The following AIM2 variants were observed in gnomAD, a reference collection of about 807,000 sequenced individuals.
The protein encoded by AIM2 is absent in melanoma 2.
In AIM2, 30 loss-of-function variants were observed where a neutral mutation model predicts 27.7. That is an observed-to-expected ratio of 1.08 (90% CI 0.81 to 1.47). The LOEUF is 1.47. Among genes scored for constraint, AIM2 ranks in the 40% most tolerant of loss-of-function variants. AIM2 has a pLI of 0.00. For synonymous variants in AIM2, 141 were observed against 145.3 expected (o/e 0.97, Z 0.21); for missense variants, 358 against 411.3 (o/e 0.87, Z 1.12).
chr1:159,086,244 G>A (rs72709586), intron 1 of AIM2, among the ~76,000 whole-genome samples: 4 of 152,118 alleles, frequency 2.6e-5, no homozygotes, highest in Non-Finnish European at 5.9e-5. Context: ...AGGCAACAAG[G>A]GTGAGGCAAA....
intron 1 of AIM2, among the ~76,000 whole-genome samples, chr1:159,114,098 T>C (rs375975627): frequency 1.3e-4 from 20 of 152,348 alleles, no homozygotes; most frequent in Middle Eastern, 3.4e-3. Context: ...CAAAGAGCTC[T>C]TCCTTTGTTT....
At chr1:159,097,639 T>C (rs1557903379) in intron 1 of AIM2, among the ~76,000 whole-genome samples, 1 of 152,204 alleles carries the variant, frequency 6.6e-6, no homozygotes, top group African/African-American at 2.4e-5. Flanking sequence ...CTGAGTAATC[T>C]TGGTCAAGTC....
chr1:159,063,015 G>A (rs1409854667), intron 5 of AIM2, among the ~76,000 whole-genome samples: 2 of 152,172 alleles, frequency 1.3e-5, no homozygotes, highest in Non-Finnish European at 1.5e-5. Flanking sequence ...AGAGCACCAA[G>A]TAGTGGCAGG....
chr1:159,083,977 A>G (rs1656839795), intron 1 of AIM2, among the ~76,000 whole-genome samples: 1 of 152,214 alleles, frequency 6.6e-6, no homozygotes, highest in Non-Finnish European at 1.5e-5. Context: ...ACACAGAGCT[A>G]ACCTTTACCA....
chr1:159,122,973 T>G (rs1176061297), intron 1 of AIM2, among the ~76,000 whole-genome samples: 3 of 152,186 alleles, frequency 2.0e-5, no homozygotes, highest in African/African-American at 7.2e-5. Flanking sequence ...CCTGAGGCTA[T>G]AAAAACTTTG....
chr1:159,087,269 G>T (rs904127280), intron 1 of AIM2, among the ~76,000 whole-genome samples: 1 of 151,744 alleles, frequency 6.6e-6, no homozygotes, highest in Non-Finnish European at 1.5e-5. Flanking sequence ...GACAATACTA[G>T]TGATAGGGCT....
intron 1 of AIM2, among the ~76,000 whole-genome samples, chr1:159,113,632 C>T (rs987498649): frequency 7.2e-5 from 11 of 152,152 alleles, no homozygotes; most frequent in African/African-American, 2.7e-4. Flanking sequence ...CACAGAAACC[C>T]ATAATTACTA....
chr1:159,141,553 T>G (rs903699974), upstream of AIM2, among the ~76,000 whole-genome samples: 2 of 151,682 alleles, frequency 1.3e-5, no homozygotes, highest in African/African-American at 4.9e-5. Context: ...GAGGAGTAAA[T>G]ATAATTATCA....
At chr1:159,109,676 A>G (rs1657524758) in intron 1 of AIM2, among the ~76,000 whole-genome samples, 1 of 152,210 alleles carries the variant, frequency 6.6e-6, no homozygotes, top group Non-Finnish European at 1.5e-5. Flanking sequence ...ACAAAGTGCT[A>G]ATATCCAGAA....
rs777896821 is a variant in AIM2 at position 159,062,484 on chromosome 1, T to C, written c.*208A>G. On this transcript the variant is annotated 3_prime_UTR_variant, in exon 6 of 6. Coordinates refer to ENST00000368130, the MANE Select transcript of AIM2 (RefSeq NM_004833.3). ...ACTAAAGGAGATAGTGGGACTGTAA[T>C]GAATGAGAAACAGATGTTTATTGTG... The C allele has an allele frequency of 2.0e-5, 12 of 588,606 alleles. No homozygotes were observed. The highest frequency in any genetic ancestry group is 3.8e-5 in the African/African-American group (2 of 53,288). 36.5% of individuals were successfully genotyped at this position (588,606 alleles called of 1,614,324 possible).
chr1:159,107,024 C>T (rs1657464261), intron 1 of AIM2, among the ~76,000 whole-genome samples: 1 of 152,208 alleles, frequency 6.6e-6, no homozygotes, highest in African/African-American at 2.4e-5. Flanking sequence ...AGGATTATTT[C>T]CAGAGATCAT....
At chr1:159,068,211 A>T (rs1202895222) in intron 3 of AIM2, among the ~76,000 whole-genome samples, 1 of 152,108 alleles carries the variant, frequency 6.6e-6, no homozygotes, top group Non-Finnish European at 1.5e-5. Context: ...ACTACATTGG[A>T]CTTGACATTC....
chr1:159,144,581 T>G (rs1017046929), upstream of AIM2, among the ~76,000 whole-genome samples: 2 of 152,148 alleles, frequency 1.3e-5, no homozygotes, highest in Non-Finnish European at 2.9e-5. Flanking sequence ...TGGCTGTATG[T>G]CATTCATGTT....
At chr1:159,076,019 T>C (rs924147938) in intron 1 of AIM2, among the ~76,000 whole-genome samples, 1 of 152,134 alleles carries the variant, frequency 6.6e-6, no homozygotes, top group Non-Finnish European at 1.5e-5. Context: ...AGTTCATGAG[T>C]GAAAATTAAA....
At chr1:159,140,871 A>G (rs1648098624), upstream of AIM2, among the ~76,000 whole-genome samples, 1 of 152,180 alleles carries the variant, frequency 6.6e-6, no homozygotes, top group South Asian at 2.1e-4. Flanking sequence ...TTCAGATACA[A>G]CACTTGAAGT....
chr1:159,056,884 C>CAATT, the AIM2 span, among the ~76,000 whole-genome samples: 1 of 151,708 alleles, frequency 6.6e-6, no homozygotes, highest in Non-Finnish European at 1.5e-5. Context: ...TACGGAGACA[C>CAATT]AATTGCCTAT....
Position 159,068,588 on chromosome 1 carries a change from T to C in AIM2, c.376A>G (p.Lys126Glu), listed in dbSNP as rs149011858. The C allele has an allele frequency of 8.0e-5, 129 of 1,612,760 alleles. 2 individuals are homozygous for C. The highest frequency in any genetic ancestry group is 7.5e-4 in the Admixed American group (45 of 59,632). Residue 126 changes from lysine (K) to glutamate (E), a missense_variant, in exon 3 of 6, where the codon AAA (lysine) becomes GAA (glutamate). Transcript: ENST00000368130. ...NDVAKQRAAPKVSPHVKPEQK... is the reference protein window; with the variant it reads ...NDVAKQRAAPEVSPHVKPEQK... ...CCTACCTTAACATGAGGAGAGACTT[T>C]TGGTGCAGCACGTTGCTTTGCGACA...
At chr1:159,129,119 T>C (rs1647802363) in intron 1 of AIM2, among the ~76,000 whole-genome samples, 1 of 152,186 alleles carries the variant, frequency 6.6e-6, no homozygotes. Context: ...TGGAATCCAA[T>C]GGCAGGCATC....
At chr1:159,114,402 A>G (rs1045750040) in intron 1 of AIM2, among the ~76,000 whole-genome samples, 5 of 152,140 alleles carry the variant, frequency 3.3e-5, no homozygotes, top group African/African-American at 4.8e-5. Flanking sequence ...CTGCTTGGAA[A>G]ACACTAGTGT....
Sources: allele counts gnomAD v4.1 joint callset (sites outside exome capture counted in the v4.1 genomes callset), GRCh38; gene constraint gnomAD v4.1.1; transcripts MANE v1.5; gene names NCBI Gene and HGNC (gene_info 2026-07-23, HGNC 2026-07-21).